Variants in GPHN observed in about 807,000 individuals in gnomAD.
The protein encoded by GPHN is gephyrin.
In GPHN, 17 loss-of-function variants were observed where a neutral mutation model predicts 95.5. The ratio of observed to expected loss-of-function variants is 0.18; its 90% CI spans 0.12 to 0.27. The LOEUF (loss-of-function observed/expected upper bound fraction) is 0.27, where lower values mean the gene tolerates loss of function less well. Among genes scored for constraint, GPHN ranks in the 10% least tolerant of loss-of-function variants. The pLI is 1.00. For missense variants in GPHN, 660 were observed against 978.1 expected, an observed-to-expected ratio of 0.67 and a Z score of 4.34; for synonymous variants, 320 against 322.5, an observed-to-expected ratio of 0.99 and a Z score of 0.08.
intron 1 of GPHN, among the ~76,000 whole-genome samples, chr14:66,580,472 GAA>G (rs1566638387): frequency 7.8e-6 from 1 of 127,898 alleles, no homozygotes; most frequent in African/African-American, 4.2e-5. Context: ...AAAAAATAGT[GAA>G]GAGTTAAAGA....
intron 8 of GPHN, among the ~76,000 whole-genome samples, chr14:66,938,397 C>T: frequency 6.6e-6 from 1 of 152,036 alleles, no homozygotes; most frequent in East Asian, 1.9e-4. Flanking sequence ...TTTAAAACAA[C>T]CAGTGTCAAT....
At chr14:67,189,325 C>T in the GPHN span, 4 of 152,252 alleles carry the variant, frequency 2.6e-5, no homozygotes, top group African/African-American at 9.6e-5. Flanking sequence ...CTGCTCCTCC[C>T]CAGTGCCGTT....
chr14:66,608,708 T>A (rs954337664), intron 1 of GPHN, among the ~76,000 whole-genome samples: 1 of 152,318 alleles, frequency 6.6e-6, no homozygotes, highest in South Asian at 2.1e-4. Context: ...TTAAGTCTTC[T>A]TGTTGAATGG....
At chr14:66,938,930 G>A (rs540883118) in intron 8 of GPHN, among the ~76,000 whole-genome samples, 1 of 152,274 alleles carries the variant, frequency 6.6e-6, no homozygotes, top group Non-Finnish European at 1.5e-5. Context: ...AGGGAACCAA[G>A]ACCATTCAGT....
chr14:67,225,976 T>C, the GPHN span, among the ~76,000 whole-genome samples: 181 of 117,302 alleles, frequency 1.5e-3, 1 homozygote, highest in African/African-American at 4.1e-3. Flanking sequence ...CGCGCGCGCG[T>C]GCGCATGCGC....
chr14:66,789,923 A>G (rs1359752399), intron 3 of GPHN, among the ~76,000 whole-genome samples: 1 of 152,200 alleles, frequency 6.6e-6, no homozygotes. Context: ...ATGTGAAGTA[A>G]TTTCTGATAT....
At chr14:66,620,617 A>C (rs1043900463) in intron 1 of GPHN, among the ~76,000 whole-genome samples, 29 of 152,184 alleles carry the variant, frequency 1.9e-4, no homozygotes, top group African/African-American at 6.8e-4. Context: ...AGGAGTTACA[A>C]TTCAAGATGA....
the GPHN span, among the ~76,000 whole-genome samples, chr14:67,458,115 G>A: frequency 6.6e-6 from 1 of 152,176 alleles, no homozygotes; most frequent in African/African-American, 2.4e-5. Context: ...GAGGAGAGCT[G>A]AGCCTTTTCC....
At chr14:67,158,508 G>GA (rs2081760411) in intron 18 of GPHN, among the ~76,000 whole-genome samples, 1 of 152,078 alleles carries the variant, frequency 6.6e-6, no homozygotes. Flanking sequence ...TGTAGAGATA[G>GA]AAGGGAACAC....
intron 1 of GPHN, among the ~76,000 whole-genome samples, chr14:66,591,158 AAAT>A (rs537225434): frequency 4.7e-4 from 71 of 152,274 alleles, no homozygotes; most frequent in African/African-American, 1.6e-3. Context: ...ACATATCTCA[AAAT>A]AATAAGTGCT....
At chr14:66,879,260 G>A (rs779221134) in intron 4 of GPHN, among the ~76,000 whole-genome samples, 15 of 151,488 alleles carry the variant, frequency 9.9e-5, no homozygotes, top group Non-Finnish European at 1.8e-4. Flanking sequence ...TAATATAGAC[G>A]GGTTGATGGG....
intron 1 of GPHN, among the ~76,000 whole-genome samples, chr14:66,596,622 A>G (rs1475305771): frequency 6.6e-6 from 1 of 152,190 alleles, no homozygotes; most frequent in Non-Finnish European, 1.5e-5. Flanking sequence ...GCTTGGCCAC[A>G]ACTTTGCTTC....
the GPHN span, among the ~76,000 whole-genome samples, chr14:67,290,091 G>A: frequency 1.3e-5 from 2 of 151,894 alleles, no homozygotes; most frequent in East Asian, 1.9e-4. Context: ...TTTTTATACT[G>A]TCTTTGACTG....
the GPHN span, chr14:67,571,627 CTGTT>C: frequency 1.1e-6 from 1 of 869,924 alleles, no homozygotes. Flanking sequence ...GGACAGTTGT[CTGTT>C]CAGAGTCCCG....
At chr14:67,622,305 C>T in the GPHN span, among the ~76,000 whole-genome samples, 5 of 152,190 alleles carry the variant, frequency 3.3e-5, no homozygotes, top group African/African-American at 7.2e-5. Flanking sequence ...CTGAACTCTT[C>T]TCTGCTGGTC....
At chr14:66,832,037 C>T (rs1384728615) in intron 4 of GPHN, among the ~76,000 whole-genome samples, 1 of 152,154 alleles carries the variant, frequency 6.6e-6, no homozygotes, top group African/African-American at 2.4e-5. Flanking sequence ...GTCCCAGCTA[C>T]TCAGGAGGCC....
intron 2 of GPHN, among the ~76,000 whole-genome samples, chr14:66,721,508 A>G (rs958410297): frequency 2.0e-5 from 3 of 152,184 alleles, no homozygotes; most frequent in African/African-American, 7.2e-5. Flanking sequence ...ATCAGTTCTT[A>G]TTTGACAGTA....
At chr14:66,744,436 CACA>C (rs1029396020) in intron 2 of GPHN, among the ~76,000 whole-genome samples, 2 of 152,160 alleles carry the variant, frequency 1.3e-5, no homozygotes, top group African/African-American at 4.8e-5. Context: ...TTTGGTGAGG[CACA>C]ACGTGTGTTT....
chr14:66,839,629 G>A (rs2061995754), intron 4 of GPHN, among the ~76,000 whole-genome samples: 1 of 152,132 alleles, frequency 6.6e-6, no homozygotes, highest in Non-Finnish European at 1.5e-5. Context: ...TTATTATAAT[G>A]TGTCAATTGT....
Sources: allele counts gnomAD v4.1 joint callset (sites outside exome capture counted in the v4.1 genomes callset), GRCh38; gene constraint gnomAD v4.1.1; transcripts MANE v1.5; gene names NCBI Gene and HGNC (gene_info 2026-07-23, HGNC 2026-07-21).